The following ALCAM variants were observed in gnomAD, a reference collection of about 807,000 sequenced individuals.
ALCAM encodes the protein CD166 antigen.
A neutral mutation model predicts 70.9 loss-of-function variants in ALCAM; 30 were observed. That is an observed-to-expected ratio of 0.42 (90% CI 0.32 to 0.57). The LOEUF is 0.57. Ranked by LOEUF, ALCAM falls within the 20% of genes least tolerant of loss-of-function variation. The pLI is 0.11. For synonymous variants in ALCAM, 249 were observed against 242.5 expected (o/e 1.03, Z -0.25); for missense variants, 591 against 695.1 (o/e 0.85, Z 1.68).
At chr3:105,425,980 A>T (rs1157579765) in intron 1 of ALCAM, among the ~76,000 whole-genome samples, 1 of 151,816 alleles carries the variant, frequency 6.6e-6, no homozygotes, top group Non-Finnish European at 1.5e-5. Flanking sequence ...TTTTCATGGG[A>T]GACCTATCCC....
chr3:105,446,217 G>GA (rs991684251), intron 1 of ALCAM, among the ~76,000 whole-genome samples: 26 of 151,972 alleles, frequency 1.7e-4, no homozygotes, highest in African/African-American at 5.8e-4. Flanking sequence ...ATGGGTATAT[G>GA]AAAAAATGCT....
At chr3:105,471,646 TG>T (rs1214618986) in intron 1 of ALCAM, among the ~76,000 whole-genome samples, 3 of 148,396 alleles carry the variant, frequency 2.0e-5, no homozygotes, top group Non-Finnish European at 4.5e-5. Context: ...AACGACTTTT[TG>T]GTTTTTTTCA....
intron 1 of ALCAM, among the ~76,000 whole-genome samples, chr3:105,441,497 G>A (rs568277768): frequency 1.2e-4 from 18 of 152,236 alleles, no homozygotes; most frequent in African/African-American, 4.3e-4. Flanking sequence ...TCAATTGAAA[G>A]AAAAAGTCTT....
At chr3:105,388,735 A>AT (rs1935721085) in intron 1 of ALCAM, among the ~76,000 whole-genome samples, 1 of 151,574 alleles carries the variant, frequency 6.6e-6, no homozygotes, top group South Asian at 2.1e-4. Context: ...GAAACCAGAT[A>AT]TTTTTCTTTT....
chr3:105,376,740 G>A (rs1366218694), intron 1 of ALCAM, among the ~76,000 whole-genome samples: 2 of 152,270 alleles, frequency 1.3e-5, no homozygotes, highest in East Asian at 1.9e-4. Flanking sequence ...CTCAGAAAAC[G>A]TCTAGCAGGA....
intron 1 of ALCAM, among the ~76,000 whole-genome samples, chr3:105,503,988 C>T (rs1440847728): frequency 1.3e-5 from 2 of 152,172 alleles, no homozygotes; most frequent in Non-Finnish European, 2.9e-5. Flanking sequence ...TCCATTATTC[C>T]AATAAATAAA....
intron 3 of ALCAM, among the ~76,000 whole-genome samples, chr3:105,529,323 C>T (rs893627095): frequency 1.3e-5 from 2 of 152,152 alleles, no homozygotes; most frequent in Non-Finnish European, 2.9e-5. Flanking sequence ...TTGCTTTTCC[C>T]TTCAATTCTA....
chr3:105,467,646 G>A (rs1023077631), intron 1 of ALCAM, among the ~76,000 whole-genome samples: 5 of 151,132 alleles, frequency 3.3e-5, no homozygotes, highest in African/African-American at 1.2e-4. Context: ...AATGAGGTTT[G>A]GAGATACCTT....
intron 15 of ALCAM, among the ~76,000 whole-genome samples, chr3:105,573,629 G>A (rs1940902348): frequency 6.6e-6 from 1 of 152,150 alleles, no homozygotes; most frequent in African/African-American, 2.4e-5. Flanking sequence ...ATTGCCACCT[G>A]CAATTTGAGG....
chr3:105,565,506 AT>A (rs1449457449), intron 14 of ALCAM, among the ~76,000 whole-genome samples: 2 of 152,070 alleles, frequency 1.3e-5, no homozygotes, highest in African/African-American at 4.8e-5. Flanking sequence ...TTCTATTATT[AT>A]TATACTAATG....
chr3:105,407,788 G>A (rs1936281029), intron 1 of ALCAM, among the ~76,000 whole-genome samples: 1 of 152,144 alleles, frequency 6.6e-6, no homozygotes. Context: ...GTGTGCTGAT[G>A]ATATGGTTAT....
At chr3:105,407,810 A>G (rs1403266715) in intron 1 of ALCAM, among the ~76,000 whole-genome samples, 1 of 152,142 alleles carries the variant, frequency 6.6e-6, no homozygotes, top group Non-Finnish European at 1.5e-5. Flanking sequence ...TATCTAGAAA[A>G]TCCTAAAGAC....
chr3:105,560,235 T>C (rs1443763553), intron 14 of ALCAM, among the ~76,000 whole-genome samples: 1 of 152,154 alleles, frequency 6.6e-6, no homozygotes. Flanking sequence ...TTAGCCATTC[T>C]AGGAGGTGTG....
intron 1 of ALCAM, among the ~76,000 whole-genome samples, chr3:105,425,093 G>A (rs986535509): frequency 6.6e-6 from 1 of 151,688 alleles, no homozygotes; most frequent in Non-Finnish European, 1.5e-5. Context: ...GAGGAGAATA[G>A]GGCTCAAAGA....
At chr3:105,472,994 C>A (rs1173227105) in intron 1 of ALCAM, among the ~76,000 whole-genome samples, 1 of 151,398 alleles carries the variant, frequency 6.6e-6, no homozygotes, top group African/African-American at 2.4e-5. Context: ...TAACTATTCT[C>A]TTTTAATACA....
intron 1 of ALCAM, among the ~76,000 whole-genome samples, chr3:105,427,103 T>C (rs1457247254): frequency 1.3e-5 from 2 of 151,884 alleles, no homozygotes; most frequent in East Asian, 3.9e-4. Flanking sequence ...CTTACCCTTT[T>C]CAAAGAAGTA....
intron 1 of ALCAM, among the ~76,000 whole-genome samples, chr3:105,449,513 C>A (rs1576170286): frequency 6.6e-6 from 1 of 152,120 alleles, no homozygotes; most frequent in Non-Finnish European, 1.5e-5. Context: ...TCTGAAGAAA[C>A]ATATTTATTG....
chr3:105,510,176 C>T (rs1213227719), intron 1 of ALCAM, among the ~76,000 whole-genome samples: 2 of 151,850 alleles, frequency 1.3e-5, no homozygotes, highest in Admixed American at 6.6e-5. Flanking sequence ...ATAAGCATAC[C>T]GCAGAGTAAA....
intron 14 of ALCAM, among the ~76,000 whole-genome samples, chr3:105,568,836 T>TATTATAA (rs1418861101): frequency 2.0e-5 from 3 of 152,194 alleles, no homozygotes; most frequent in Non-Finnish European, 4.4e-5. Context: ...TCTGAGGGTT[T>TATTATAA]ATAATTGTTA....
Sources: allele counts gnomAD v4.1 joint callset (sites outside exome capture counted in the v4.1 genomes callset), GRCh38; gene constraint gnomAD v4.1.1; transcripts MANE v1.5; gene names NCBI Gene and HGNC (gene_info 2026-07-23, HGNC 2026-07-21).